The following RSPO2 variants were observed in gnomAD, a reference collection of about 807,000 sequenced individuals.
The protein encoded by RSPO2 is R-spondin-2.
A neutral mutation model predicts 30.9 loss-of-function variants in RSPO2; 14 were observed. The ratio of observed to expected loss-of-function variants is 0.45; its 90% confidence interval spans 0.30 to 0.71. The LOEUF is 0.71. RSPO2 is among the 30% of genes least tolerant of loss of function. RSPO2 has a pLI of 0.08. For missense variants in RSPO2, 264 were observed against 301.9 expected, an observed-to-expected ratio of 0.87 and a Z score of 0.93; for synonymous variants, 107 against 96.4, an observed-to-expected ratio of 1.11 and a Z score of -0.64.
chr8:107,962,117 G>A (rs985467182), intron 3 of RSPO2, among the ~76,000 whole-genome samples: 14 of 152,092 alleles, frequency 9.2e-5, no homozygotes, highest in Non-Finnish European at 1.0e-4. Context: ...GACATCACAT[G>A]TATTCATTTT....
intron 3 of RSPO2, chr8:107,983,186 T>C (rs1230859854): frequency 5.8e-6 from 9 of 1,555,704 alleles, no homozygotes; most frequent in African/African-American, 4.1e-5. Flanking sequence ...TTATTAGCTG[T>C]AGGCAAATAC....
intron 3 of RSPO2, among the ~76,000 whole-genome samples, chr8:107,981,084 A>G (rs546139656): frequency 2.2e-4 from 34 of 152,360 alleles, no homozygotes; most frequent in South Asian, 8.3e-4. Context: ...ATCTTCAAAC[A>G]CATTATATAG....
chr8:107,988,947 A>T, intron 3 of RSPO2, 109 bp downstream of exon 3: 1 of 1,006,578 alleles, frequency 9.9e-7, no homozygotes, highest in Non-Finnish European at 1.4e-6. Flanking sequence ...TATTTCTATC[A>T]CCTATTACAA....
At chr8:108,005,125 C>T (rs896536470) in intron 2 of RSPO2, among the ~76,000 whole-genome samples, 3 of 152,060 alleles carry the variant, frequency 2.0e-5, no homozygotes, top group Non-Finnish European at 2.9e-5. Flanking sequence ...GTCTGATGTT[C>T]CCTCATGACT....
At chr8:107,946,834 A>G (rs1813076003) in intron 5 of RSPO2, among the ~76,000 whole-genome samples, 1 of 152,196 alleles carries the variant, frequency 6.6e-6, no homozygotes, top group African/African-American at 2.4e-5. Flanking sequence ...TTAAAACCCC[A>G]TTTAAATTTC....
intron 2 of RSPO2, among the ~76,000 whole-genome samples, chr8:108,012,408 T>C (rs1291711821): frequency 1.3e-5 from 2 of 152,192 alleles, no homozygotes; most frequent in African/African-American, 4.8e-5. Flanking sequence ...CACATTGCTG[T>C]AAGGCATTCA....
At chr8:107,998,351 C>T (rs1354214211) in intron 2 of RSPO2, among the ~76,000 whole-genome samples, 34 of 152,074 alleles carry the variant, frequency 2.2e-4, no homozygotes, top group Admixed American at 2.2e-3. Flanking sequence ...GTATAAAAAT[C>T]CTGTAATCAT....
At chr8:107,984,908 GGAGTTAAA>G (rs1814573402) in intron 3 of RSPO2, among the ~76,000 whole-genome samples, 1 of 151,996 alleles carries the variant, frequency 6.6e-6, no homozygotes, top group African/African-American at 2.4e-5. Flanking sequence ...GACATCAGTG[GGAGTTAAA>G]TGTATCTACT....
chr8:107,914,685 AC>A (rs1467092529), intron 5 of RSPO2, among the ~76,000 whole-genome samples: 1 of 152,184 alleles, frequency 6.6e-6, no homozygotes, highest in Admixed American at 6.6e-5. Flanking sequence ...TATTTTCATT[AC>A]AGTAGCTTAG....
intron 3 of RSPO2, among the ~76,000 whole-genome samples, chr8:107,971,898 T>G (rs1342375501): frequency 6.6e-6 from 1 of 152,152 alleles, no homozygotes; most frequent in Non-Finnish European, 1.5e-5. Flanking sequence ...CATGCTCAGT[T>G]ATATGTGTGA....
intron 2 of RSPO2, among the ~76,000 whole-genome samples, chr8:108,062,526 G>T (rs1812503855): frequency 6.6e-6 from 1 of 151,912 alleles, no homozygotes; most frequent in Admixed American, 6.5e-5. Context: ...AACAGGCTCT[G>T]AAATTGAGGC....
At chr8:107,923,775 G>C (rs1812264744) in intron 5 of RSPO2, among the ~76,000 whole-genome samples, 1 of 152,050 alleles carries the variant, frequency 6.6e-6, no homozygotes, top group African/African-American at 2.4e-5. Flanking sequence ...GCAAGAACAA[G>C]AGCATGTCCT....
intron 3 of RSPO2, among the ~76,000 whole-genome samples, chr8:107,985,428 T>C (rs1481328831): frequency 6.6e-6 from 1 of 151,590 alleles, no homozygotes; most frequent in Non-Finnish European, 1.5e-5. Context: ...TTAACTATAG[T>C]ATAACCATTC....
At chr8:108,006,769 A>C (rs905017007) in intron 2 of RSPO2, among the ~76,000 whole-genome samples, 3 of 152,340 alleles carry the variant, frequency 2.0e-5, no homozygotes, top group Admixed American at 1.3e-4. Context: ...TCACGAAGTC[A>C]TATCAAAACT....
At chr8:108,005,295 T>G (rs113212449) in intron 2 of RSPO2, among the ~76,000 whole-genome samples, 2,470 of 152,282 alleles carry the variant, frequency 0.016, 33 homozygotes, top group South Asian at 0.023. Context: ...GTTGCTATTT[T>G]TTTCTTCTGT....
chr8:108,011,819 C>T (rs879417365), intron 2 of RSPO2, among the ~76,000 whole-genome samples: 2 of 152,302 alleles, frequency 1.3e-5, no homozygotes, highest in African/African-American at 4.8e-5. Flanking sequence ...GCTTAAAATA[C>T]AAGAACCCAA....
At chr8:107,908,367 AAGCAC>A in intron 5 of RSPO2, among the ~76,000 whole-genome samples, 1 of 152,334 alleles carries the variant, frequency 6.6e-6, no homozygotes, top group East Asian at 1.9e-4. Context: ...TCACATAGGT[AAGCAC>A]AAACAAGAAG....
chr8:107,990,170 T>C (rs1814799278), intron 2 of RSPO2, among the ~76,000 whole-genome samples: 2 of 152,130 alleles, frequency 1.3e-5, no homozygotes, highest in Non-Finnish European at 2.9e-5. Context: ...ACAAATTGAA[T>C]GGTAGAAGAG....
At chr8:108,053,722 A>G (rs1290336497) in intron 2 of RSPO2, among the ~76,000 whole-genome samples, 1 of 152,226 alleles carries the variant, frequency 6.6e-6, no homozygotes, top group Non-Finnish European at 1.5e-5. Flanking sequence ...TTAAAAGCCT[A>G]AAAAATCTAC....
Sources: gnomAD v4.1 joint callset for allele counts (sites outside exome capture counted in the v4.1 genomes callset) on GRCh38, gnomAD v4.1.1 for gene constraint, MANE v1.5 for transcripts, NCBI Gene and HGNC (gene_info 2026-07-23, HGNC 2026-07-21) for gene names.